Variants in PRTG observed in about 807,000 individuals in gnomAD.
PRTG encodes protogenin, also known as immunoglobulin superfamily, DCC subclass, member 5.
PRTG carries 67 observed loss-of-function variants against 122.5 expected under a neutral mutation model. That is an observed-to-expected ratio of 0.55 (90% confidence interval 0.45 to 0.67). PRTG has a LOEUF of 0.67. Among genes scored for constraint, PRTG ranks in the 30% least tolerant of loss-of-function variants. PRTG has a pLI of 0.00. For synonymous variants in PRTG, 554 were observed against 501.1 expected, an observed-to-expected ratio of 1.11 and a Z score of -1.41; for missense variants, 1,435 against 1,415.4, an observed-to-expected ratio of 1.01 and a Z score of -0.22.
At position 55,742,955 on chromosome 15, in the gene PRTG, T is replaced by A. The variant is rs1003438360; in HGVS notation, c.-24A>T. 4.7e-6 allele frequency: 7 copies of A among 1,487,160 alleles called. No individual in the cohort carries two copies. In the Admixed American group the frequency reaches 1.4e-4, roughly 29 times the overall value. 92.1% of individuals were successfully genotyped at this position (1,487,160 alleles called of 1,614,324 possible). ...ATTCAGCGTAGCCGCGCGGGCATGC[T>A]CCCCGGCCGCCCAGAGCCCCTGTCC... On this transcript the variant is annotated 5_prime_UTR_variant, in exon 1 of 20. Transcript: ENST00000389286.
intron 12 of PRTG, among the ~76,000 whole-genome samples, chr15:55,640,808 G>A (rs765529682): frequency 3.3e-5 from 5 of 151,088 alleles, no homozygotes; most frequent in Admixed American, 6.6e-5. Flanking sequence ...TCAGGAGTTC[G>A]AGAACAGCCT....
chr15:55,726,993 C>G (rs1362568360), intron 2 of PRTG, among the ~76,000 whole-genome samples: 1 of 150,630 alleles, frequency 6.6e-6, no homozygotes, highest in African/African-American at 2.4e-5. Context: ...CACACCAAAA[C>G]TTATGGGATG....
rs1284750325 is a variant in PRTG, at chr15:55,737,975, A to ATTCT, written c.397+2403_397+2406dup. 3.1e-3 allele frequency among the ~76,000 whole-genome samples: 279 copies of ATTCT among 91,372 alleles called. 1 individual carries two copies. Among genetic ancestry groups the ATTCT allele is most frequent in the African/African-American group, 0.012 (264 of 21,836 alleles). 59.9% of individuals were successfully genotyped at this position (91,372 alleles called of 152,430 possible). A position where few individuals can be genotyped will look rare whatever the true frequency, so the allele number is the denominator to read the frequency against. On this transcript the variant is annotated intron_variant, in intron 2 of 19. Transcript: ENST00000389286. The stretch of plus-strand genomic sequence containing the variant: ...AAACCAGAATGTCCACTTAATGCCT[A>ATTCT]TTCTCTCTCTCTCTCTCTCTCTCTC...
In PRTG at chr15:55,618,293, C is replaced by T. The variant is rs1196485984; in HGVS notation, c.*1719G>A. ...TAGCAGATGATGCTGGGACTATTAT[C>T]TGCTAATATTCCTTTGATTTTAGAA... is the stretch of plus-strand genomic sequence containing the variant. On this transcript the variant is annotated 3_prime_UTR_variant, in exon 20 of 20. Transcript: ENST00000389286. 1 of 152,206 alleles carries T rather than the reference C, an allele frequency of 6.6e-6. No individual in the cohort carries two copies. Among genetic ancestry groups the T allele is most frequent in the Non-Finnish European group, 1.5e-5 (1 of 68,038 alleles). 9.4% of individuals were successfully genotyped at this position (152,206 alleles called of 1,614,324 possible).
intron 15 of PRTG, among the ~76,000 whole-genome samples, chr15:55,629,710 T>A (rs1001688902): frequency 6.6e-6 from 1 of 152,082 alleles, no homozygotes; most frequent in Non-Finnish European, 1.5e-5. Flanking sequence ...AATCTTTTTT[T>A]AATTGGGAGT....
chr15:55,680,196 A>G lies in PRTG; in HGVS notation c.831T>C (p.Asp277=), dbSNP rs752947504. Residue 277 remains aspartate (D), a synonymous_variant, in exon 6 of 20, where the codon GAT becomes GAC. Transcript: ENST00000389286. ...SWSRLDHKSI[D]VFNTRVLGNG... ...TTCCAAGTACCCGAGTATTAAAGAC[A>G]TCAATGGATTTGTGATCTATTTCAA... 6.2e-7 allele frequency: 1 copy of G among 1,609,830 alleles called. No homozygotes were observed. Among genetic ancestry groups the G allele is most frequent in the Non-Finnish European group, 8.5e-7 (1 of 1,176,282 alleles).
At chr15:55,714,581 T>C (rs1167215965) in intron 2 of PRTG, among the ~76,000 whole-genome samples, 2 of 151,708 alleles carry the variant, frequency 1.3e-5, no homozygotes, top group African/African-American at 4.8e-5. Context: ...TCAGATGAGG[T>C]TAAGTTTCTA....
chr15:55,679,033 T>C (rs543643169), intron 7 of PRTG, among the ~76,000 whole-genome samples: 11 of 152,276 alleles, frequency 7.2e-5, no homozygotes, highest in Admixed American at 2.6e-4. Flanking sequence ...ACCCTGGAGT[T>C]TGGGGAACTG....
intron 11 of PRTG, among the ~76,000 whole-genome samples, chr15:55,657,333 C>T (rs1056324612): frequency 6.6e-6 from 1 of 151,968 alleles, no homozygotes; most frequent in Admixed American, 6.6e-5. Flanking sequence ...AAAGAGTGGA[C>T]GTGTAGCTAT....
intron 2 of PRTG, among the ~76,000 whole-genome samples, chr15:55,705,465 T>C (rs2030064614): frequency 6.6e-6 from 1 of 152,208 alleles, no homozygotes; most frequent in African/African-American, 2.4e-5. Flanking sequence ...CCCTTTCTAC[T>C]TATTCTTTTT....
chr15:55,620,760 G>C lies in PRTG; in HGVS notation c.3101C>G (p.Thr1034Ser), dbSNP rs1442863503. The C allele has an allele frequency of 6.3e-7, 1 of 1,586,290 alleles. No individual in the cohort carries two copies. The highest frequency in any genetic ancestry group is 8.5e-7 in the Non-Finnish European group (1 of 1,172,628). ...ACCATAGCTATTAATTATCAGGTCA[G>C]TTCCTCCCTGAGGAAATAAAAGAGG... is the stretch of plus-strand genomic sequence containing the variant. ...PNSFIDAKGG[T>S]DLIINSYGPI... Residue 1034 changes from threonine to serine, a missense_variant, in exon 19 of 20, where the codon ACT becomes AGT. Transcript: ENST00000389286.
At chr15:55,685,516 T>C (rs2059565515) in intron 2 of PRTG, among the ~76,000 whole-genome samples, 1 of 152,166 alleles carries the variant, frequency 6.6e-6, no homozygotes, top group Non-Finnish European at 1.5e-5. Context: ...AGGAGTTATG[T>C]AATGCATGGT....
At chr15:55,718,482 A>C (rs28524503) in intron 2 of PRTG, among the ~76,000 whole-genome samples, 14,649 of 151,714 alleles carry the variant, frequency 0.097, 845 homozygotes, top group Middle Eastern at 0.18. Flanking sequence ...CCAGAGAACA[A>C]CACCCCCGCT....
At position 55,682,493 on chromosome 15, in the gene PRTG, T is replaced by C; in HGVS notation, c.547A>G (p.Thr183Ala). 4 of 1,507,246 alleles carry C rather than the reference T, an allele frequency of 2.7e-6. No individual in the cohort carries two copies. The South Asian group carries it at 5.6e-5, about 21-fold the overall frequency. The allele number at this position is 1,507,246 out of a possible 1,614,324, so 93.4% of individuals were successfully genotyped here. A position where few individuals can be genotyped will look rare whatever the true frequency, so the allele number is the denominator to read the frequency against. The part of the protein sequence containing the change: ...TTLPMTMDRI[T>A]ALPTGVLQIY... Reference sequence around the variant, plus strand: ...TGCAATACTCCTGTTGGTAGGGCAGTTATCCTGTTATGAGAGAAAGATAAT... The same window carrying C: ...TGCAATACTCCTGTTGGTAGGGCAGCTATCCTGTTATGAGAGAAAGATAAT... The change falls in exon 4 of 20, where the codon ACT becomes GCT. Residue 183 changes from threonine to alanine, a missense_variant. Thr to Ala is a moderately conservative substitution (Grantham distance 58). Coordinates refer to ENST00000389286, the MANE Select transcript of PRTG (RefSeq NM_173814.6).
At chr15:55,631,877 C>A (rs914237210) in intron 15 of PRTG, among the ~76,000 whole-genome samples, 4 of 152,116 alleles carry the variant, frequency 2.6e-5, no homozygotes, top group African/African-American at 9.7e-5. Flanking sequence ...AGTGAGTTTT[C>A]TTCCTTTACC....
chr15:55,633,162 C>T (rs2059237109), intron 15 of PRTG, among the ~76,000 whole-genome samples: 1 of 152,116 alleles, frequency 6.6e-6, no homozygotes. Flanking sequence ...ACATAATTTC[C>T]TCCAGTGCTT....
chr15:55,648,678 T>C (rs1229848704), intron 11 of PRTG, among the ~76,000 whole-genome samples: 1 of 152,176 alleles, frequency 6.6e-6, no homozygotes, highest in African/African-American at 2.4e-5. Flanking sequence ...ATCAAAACAG[T>C]TATGCATGAA....
chr15:55,624,325 A>G lies in PRTG; in HGVS notation c.3093+17T>C. ...AATGGAAGAACGGCTTATGCAGCAAATCCCGCAGCTCAGTACCTTTGCATC... is the reference window on the plus strand; with the variant it reads ...AATGGAAGAACGGCTTATGCAGCAAGTCCCGCAGCTCAGTACCTTTGCATC... On this transcript the variant is annotated intron_variant, in intron 18 of 19. Coordinates refer to ENST00000389286, the MANE Select transcript of PRTG (RefSeq NM_173814.6). 1 of 1,610,170 alleles carries G rather than the reference A, an allele frequency of 6.2e-7. No individual in the cohort carries two copies. Among genetic ancestry groups the G allele is most frequent in the Non-Finnish European group, 8.5e-7 (1 of 1,178,064 alleles).
chr15:55,618,918 G>A lies in PRTG; in HGVS notation c.*1094C>T, dbSNP rs1176395166. On this transcript the variant is annotated 3_prime_UTR_variant, in exon 20 of 20. Coordinates refer to ENST00000389286, the MANE Select transcript of PRTG (RefSeq NM_173814.6). ...ATAATAACTTCGAGTTCATTTTACT[G>A]TCTACTGTTGCATTTACCTTCATTC... is the stretch of plus-strand genomic sequence containing the variant. The A allele has an allele frequency of 6.6e-6, 1 of 151,992 alleles. No individual in the cohort carries two copies. Among genetic ancestry groups the A allele is most frequent in the East Asian group, 1.9e-4 (1 of 5,194 alleles). 9.4% of individuals were successfully genotyped at this position (151,992 alleles called of 1,614,324 possible).
Sources: gnomAD v4.1 joint callset for allele counts (sites outside exome capture counted in the v4.1 genomes callset) on GRCh38, gnomAD v4.1.1 for gene constraint, MANE v1.5 for transcripts, NCBI Gene and HGNC (gene_info 2026-07-23, HGNC 2026-07-21) for gene names.